LRP1B: variants seen among roughly 807,000 people sequenced by gnomAD.
LRP1B encodes low-density lipoprotein receptor-related protein 1B.
In LRP1B, 217 loss-of-function variants were observed where a neutral mutation model predicts 556.6. That is an observed-to-expected ratio of 0.39 (90% confidence interval 0.35 to 0.44). The LOEUF is 0.44. Among genes scored for constraint, LRP1B ranks in the 20% least tolerant of loss-of-function variants. LRP1B has a pLI of 1.00. For missense variants in LRP1B, 5,053 were observed against 5,620.8 expected (o/e 0.90, Z 3.23); for synonymous variants, 2,047 against 1,865.8 (o/e 1.10, Z -2.50).
intron 60 of LRP1B, among the ~76,000 whole-genome samples, chr2:140,458,822 A>T (rs1687205908): frequency 6.6e-6 from 1 of 151,910 alleles, no homozygotes. Flanking sequence ...AATATTTTAA[A>T]TTTTTTGATT....
At chr2:140,857,855 C>G (rs1692664898) in intron 27 of LRP1B, among the ~76,000 whole-genome samples, 1 of 151,988 alleles carries the variant, frequency 6.6e-6, no homozygotes. Flanking sequence ...AAAATACCAA[C>G]TAACTTTCAG....
At chr2:141,334,398 CT>C (rs1687770455) in intron 3 of LRP1B, among the ~76,000 whole-genome samples, 1 of 152,274 alleles carries the variant, frequency 6.6e-6, no homozygotes, top group African/African-American at 2.4e-5. Flanking sequence ...CCTGCTTTGA[CT>C]TCTGCCATGA....
intron 1 of LRP1B, among the ~76,000 whole-genome samples, chr2:142,055,931 A>T (rs976650970): frequency 1.4e-4 from 22 of 152,198 alleles, no homozygotes; most frequent in African/African-American, 5.1e-4. Flanking sequence ...TGAGTGTATC[A>T]CCTGAGGTCA....
In LRP1B at chr2:140,994,138, A is replaced by T. The variant is rs923594503; in HGVS notation, c.2504-3T>A. 1 of 1,611,452 alleles carries T rather than the reference A, an allele frequency of 6.2e-7. No individual in the cohort carries two copies. The highest frequency in any genetic ancestry group is 8.5e-7 in the Non-Finnish European group (1 of 1,178,494). On this transcript the variant is annotated splice_region_variant and splice_polypyrimidine_tract_variant and intron_variant, in intron 15 of 90. Transcript: ENST00000389484. Reference sequence around the variant, plus strand: ...AGGTAGTGCTTCTCCAGGATTAACTAGAGTTAAAAAAACCCAAGGTATATG... The same window carrying T: ...AGGTAGTGCTTCTCCAGGATTAACTTGAGTTAAAAAAACCCAAGGTATATG...
At chr2:140,415,656 G>A (rs375866911) in intron 66 of LRP1B, among the ~76,000 whole-genome samples, 41 of 152,282 alleles carry the variant, frequency 2.7e-4, no homozygotes, top group South Asian at 2.1e-3. Flanking sequence ...AGTGGAATGC[G>A]TCCATTCCTC....
chr2:141,499,279 G>A (rs975142443), intron 2 of LRP1B, among the ~76,000 whole-genome samples: 1 of 152,120 alleles, frequency 6.6e-6, no homozygotes, highest in South Asian at 2.1e-4. Flanking sequence ...GGTTATTTTG[G>A]GAAGTCAGAA....
chr2:141,919,783 C>T (rs557920082), intron 1 of LRP1B, among the ~76,000 whole-genome samples: 3 of 152,042 alleles, frequency 2.0e-5, no homozygotes, highest in Non-Finnish European at 2.9e-5. Flanking sequence ...CCTTTTGACA[C>T]CTTATGAAGT....
intron 41 of LRP1B, among the ~76,000 whole-genome samples, chr2:140,677,146 A>G (rs1330074054): frequency 6.6e-6 from 1 of 152,206 alleles, no homozygotes; most frequent in East Asian, 1.9e-4. Flanking sequence ...GAGGATTGCA[A>G]GGAGAAATAA....
At chr2:141,174,450 A>C (rs1419667280) in intron 7 of LRP1B, among the ~76,000 whole-genome samples, 1 of 151,974 alleles carries the variant, frequency 6.6e-6, no homozygotes, top group Non-Finnish European at 1.5e-5. Flanking sequence ...ATGTGGGCAG[A>C]TTTCTCCTTT....
intron 37 of LRP1B, among the ~76,000 whole-genome samples, chr2:140,711,406 T>C (rs1687026953): frequency 6.6e-6 from 1 of 152,008 alleles, no homozygotes; most frequent in South Asian, 2.1e-4. Flanking sequence ...CTGGACCTTA[T>C]CTCTCTACTC....
At chr2:141,331,027 G>C (rs1687624599) in intron 3 of LRP1B, among the ~76,000 whole-genome samples, 3 of 152,060 alleles carry the variant, frequency 2.0e-5, no homozygotes, top group African/African-American at 7.2e-5. Flanking sequence ...CAAAGTGCTG[G>C]GATTACAGGC....
At chr2:140,448,158 G>C (rs984255279) in intron 63 of LRP1B, among the ~76,000 whole-genome samples, 3 of 152,056 alleles carry the variant, frequency 2.0e-5, no homozygotes, top group Non-Finnish European at 4.4e-5. Context: ...GTCACCAATA[G>C]ACAAGATTGA....
intron 20 of LRP1B, among the ~76,000 whole-genome samples, chr2:140,937,638 T>C (rs1695268786): frequency 6.6e-6 from 1 of 152,090 alleles, no homozygotes; most frequent in Admixed American, 6.6e-5. Context: ...TAAAACAATG[T>C]TCTCATGAAA....
intron 21 of LRP1B, among the ~76,000 whole-genome samples, chr2:140,914,260 A>T (rs1479355462): frequency 1.3e-5 from 2 of 152,140 alleles, no homozygotes; most frequent in Non-Finnish European, 2.9e-5. Flanking sequence ...ATGAAAGCTT[A>T]ACCTTAGGTT....
chr2:141,091,102 T>C (rs1430250720), intron 7 of LRP1B, among the ~76,000 whole-genome samples: 4 of 152,138 alleles, frequency 2.6e-5, no homozygotes, highest in African/African-American at 4.8e-5. Context: ...AAATCAGGAA[T>C]CTCAATTTGT....
Position 140,538,535 on chromosome 2 carries a change from C to G in LRP1B, c.7514-1826G>C, listed in dbSNP as rs536049171. Among the ~76,000 whole-genome samples, 9 of 150,522 alleles carry G rather than the reference C, an allele frequency of 6.0e-5. No individual in the cohort carries two copies. In the East Asian group the frequency reaches 1.8e-3, roughly 30 times the overall value. On this transcript the variant is annotated intron_variant, in intron 45 of 90. Coordinates refer to ENST00000389484, the MANE Select transcript of LRP1B (RefSeq NM_018557.3). The stretch of plus-strand genomic sequence containing the variant: ...TTTATTTGACTTCTAATTTAACTCT[C>G]TCGATGATAACAACATGTTCCAAAG...
intron 1 of LRP1B, among the ~76,000 whole-genome samples, chr2:141,899,482 C>A (rs986197197): frequency 1.3e-5 from 2 of 152,180 alleles, no homozygotes; most frequent in African/African-American, 4.8e-5. Flanking sequence ...TAAATGAGAG[C>A]AGAGCATGCG....
At chr2:141,909,614 T>C (rs1186578461) in intron 1 of LRP1B, among the ~76,000 whole-genome samples, 2 of 144,316 alleles carry the variant, frequency 1.4e-5, no homozygotes, top group Non-Finnish European at 3.0e-5. Context: ...CTGGGGCAGA[T>C]GGCAGTAATT....
In LRP1B at chr2:140,444,458, TAGA is replaced by T; in HGVS notation, c.10175-12_10175-10del. 1 of 1,613,914 alleles carries T rather than the reference TAGA, an allele frequency of 6.2e-7. No individual in the cohort carries two copies. The highest frequency in any genetic ancestry group is 8.5e-7 in the Non-Finnish European group (1 of 1,179,892). On this transcript the variant is annotated splice_polypyrimidine_tract_variant and intron_variant, in intron 64 of 90. Coordinates refer to ENST00000389484, the MANE Select transcript of LRP1B (RefSeq NM_018557.3). ...CAGGCAGACATGTGTGTCTAGAACA[TAGA>T]AGGAGAGAGAGAGAGAAAATTTGTG...
Sources: allele counts gnomAD v4.1 joint callset (sites outside exome capture counted in the v4.1 genomes callset), GRCh38; gene constraint gnomAD v4.1.1; transcripts MANE v1.5; gene names NCBI Gene and HGNC (gene_info 2026-07-23, HGNC 2026-07-21).